Variants in CACNA1E observed in about 807,000 individuals in gnomAD.
CACNA1E encodes voltage-dependent R-type calcium channel subunit alpha-1E.
A neutral mutation model predicts 259.2 loss-of-function variants in CACNA1E; 40 were observed. The observed-to-expected ratio is 0.15, with a 90% CI of 0.12 to 0.20. The LOEUF is 0.20. Among genes scored for constraint, CACNA1E ranks in the 10% least tolerant of loss-of-function variants. CACNA1E has a pLI of 1.00. For synonymous variants in CACNA1E, 1,104 were observed against 1,138.5 expected, an observed-to-expected ratio of 0.97 and a Z score of 0.61; for missense variants, 1,874 against 3,040.1, an observed-to-expected ratio of 0.62 and a Z score of 9.02.
Position 181,511,309 on chromosome 1 carries a change from T to A in CACNA1E, c.373-62T>A, listed in dbSNP as rs563867917. 6 of 1,589,054 alleles carry A rather than the reference T, an allele frequency of 3.8e-6. No individual in the cohort carries two copies. In the East Asian group the frequency reaches 1.3e-4, roughly 36 times the overall value. The stretch of plus-strand genomic sequence containing the variant: ...TCCAGGAAGGGCCAGGCTGTGCTTT[T>A]GCCTGTGTCTCATAAAGCACAGTCC... On this transcript the variant is annotated intron_variant, in intron 2 of 47. Coordinates refer to ENST00000367573, the MANE Select transcript of CACNA1E (RefSeq NM_001205293.3).
At chr1:181,328,224 G>A (rs1022888145) in intron 1 of CACNA1E, among the ~76,000 whole-genome samples, 2 of 152,128 alleles carry the variant, frequency 1.3e-5, no homozygotes, top group African/African-American at 2.4e-5. Flanking sequence ...CATAGGTGGT[G>A]CCTTCTCGCT....
At chr1:181,630,152 T>C (rs1204225917) in intron 6 of CACNA1E, among the ~76,000 whole-genome samples, 2 of 152,214 alleles carry the variant, frequency 1.3e-5, no homozygotes, top group African/African-American at 4.8e-5. Context: ...ACTTTTTCTA[T>C]ATACATCTTT....
chr1:181,582,374 G>A (rs1305965140), intron 6 of CACNA1E, among the ~76,000 whole-genome samples: 1 of 152,220 alleles, frequency 6.6e-6, no homozygotes, highest in Non-Finnish European at 1.5e-5. Flanking sequence ...AGGTTGTCTT[G>A]AGGCCATGCC....
At chr1:181,375,710 G>A (rs890387845) in intron 1 of CACNA1E, among the ~76,000 whole-genome samples, 3 of 152,136 alleles carry the variant, frequency 2.0e-5, no homozygotes, top group African/African-American at 7.2e-5. Flanking sequence ...TAGCTGGTAA[G>A]CAATGGCAAG....
chr1:181,497,541 T>C (rs191415550), intron 1 of CACNA1E, among the ~76,000 whole-genome samples: 125 of 152,332 alleles, frequency 8.2e-4, no homozygotes, highest in Middle Eastern at 3.4e-3. Flanking sequence ...TGAATGCCTA[T>C]TGTATGACAG....
chr1:181,607,759 A>G (rs950806460), intron 6 of CACNA1E, among the ~76,000 whole-genome samples: 18 of 152,320 alleles, frequency 1.2e-4, no homozygotes, highest in Admixed American at 1.0e-3. Flanking sequence ...GAGATGAGCA[A>G]TTGCTCTTAA....
At chr1:181,745,876 C>G (rs1027952927) in intron 25 of CACNA1E, among the ~76,000 whole-genome samples, 11 of 152,240 alleles carry the variant, frequency 7.2e-5, no homozygotes, top group African/African-American at 2.4e-4. Flanking sequence ...ATGCTCTGCT[C>G]TCTCCTGCTG....
intron 6 of CACNA1E, among the ~76,000 whole-genome samples, chr1:181,589,606 C>A (rs755369065): frequency 6.6e-6 from 1 of 152,116 alleles, no homozygotes; most frequent in Non-Finnish European, 1.5e-5. Context: ...GTAGTCCCAG[C>A]TACCTGGAAG....
chr1:181,642,646 T>C (rs969880434), intron 6 of CACNA1E, among the ~76,000 whole-genome samples: 5 of 151,978 alleles, frequency 3.3e-5, no homozygotes, highest in Non-Finnish European at 5.9e-5. Context: ...GGCAAAGGGG[T>C]GATGCACTTT....
intron 3 of CACNA1E, among the ~76,000 whole-genome samples, chr1:181,576,059 G>A (rs1021297868): frequency 1.3e-5 from 2 of 152,166 alleles, no homozygotes; most frequent in African/African-American, 4.8e-5. Context: ...CAAAAGGAGT[G>A]TGGAAGACTC....
chr1:181,400,730 T>C (rs995212950), intron 1 of CACNA1E, among the ~76,000 whole-genome samples: 4 of 152,158 alleles, frequency 2.6e-5, no homozygotes, highest in Admixed American at 1.3e-4. Flanking sequence ...TCACGGGCTC[T>C]CTCTCTCTGC....
At chr1:181,452,363 C>T (rs867051452) in intron 2 of CACNA1E, among the ~76,000 whole-genome samples, 57 of 152,254 alleles carry the variant, frequency 3.7e-4, no homozygotes, top group African/African-American at 1.2e-3. Context: ...GGCCCAGAGA[C>T]GTTAGAAGTT....
At chr1:181,650,406 T>C (rs772747131) in intron 6 of CACNA1E, among the ~76,000 whole-genome samples, 5 of 151,624 alleles carry the variant, frequency 3.3e-5, no homozygotes, top group Non-Finnish European at 7.4e-5. Flanking sequence ...GAGAGTGGAG[T>C]GGGGGTCGAA....
chr1:181,688,839 G>A (rs1316396213), intron 7 of CACNA1E, among the ~76,000 whole-genome samples: 1 of 152,024 alleles, frequency 6.6e-6, no homozygotes, highest in East Asian at 1.9e-4. Flanking sequence ...AGGTGCTGCT[G>A]GTCTACTCCT....
intron 5 of CACNA1E, 63 bp downstream of exon 5, chr1:181,579,287 C>T: frequency 7.2e-7 from 1 of 1,387,438 alleles, no homozygotes; most frequent in Non-Finnish European, 9.9e-7. Flanking sequence ...GGGGTAATTT[C>T]AGGGCACTTG....
At position 181,579,244 on chromosome 1, in the gene CACNA1E, T is replaced by G; in HGVS notation, c.769+20T>G. ...ATTCAGGTAGGGTCGTTCTTTTCTG[T>G]CTTCTCCTTTTCCCTTCTCCCCTCT... On this transcript the variant is annotated intron_variant, in intron 5 of 47. Transcript: ENST00000367573. 11 of 1,597,194 alleles carry G rather than the reference T, an allele frequency of 6.9e-6. No individual in the cohort carries two copies. Among genetic ancestry groups the G allele is most frequent in the Non-Finnish European group, 9.4e-6 (11 of 1,172,540 alleles).
intron 3 of CACNA1E, among the ~76,000 whole-genome samples, chr1:181,518,774 T>C (rs1666778620): frequency 6.6e-6 from 1 of 152,156 alleles, no homozygotes; most frequent in Non-Finnish European, 1.5e-5. Context: ...ATGTAAGACA[T>C]TGGTGTTGGG....
rs189499047 is a variant in CACNA1E at position 181,778,039 on chromosome 1, C to T, written c.5267+1811C>T. ...TCCAGTTGCTGGGAAGAAATGATTC[C>T]ATGAGGATGAATCATGAGACTCAGA... On this transcript the variant is annotated intron_variant, in intron 38 of 47. Coordinates refer to ENST00000367573, the MANE Select transcript of CACNA1E (RefSeq NM_001205293.3). Among the ~76,000 whole-genome samples, 482 of 152,266 alleles carry T rather than the reference C, an allele frequency of 3.2e-3. 4 individuals are homozygous for T. The highest frequency in any genetic ancestry group is 0.011 in the African/African-American group (474 of 41,540).
At chr1:181,435,161 G>A (rs1213197514) in intron 2 of CACNA1E, among the ~76,000 whole-genome samples, 1 of 152,166 alleles carries the variant, frequency 6.6e-6, no homozygotes, top group African/African-American at 2.4e-5. Context: ...TATAGCAGAT[G>A]CTACTCTTCC....
Sources: gnomAD v4.1 joint callset for allele counts (sites outside exome capture counted in the v4.1 genomes callset) on GRCh38, gnomAD v4.1.1 for gene constraint, MANE v1.5 for transcripts, NCBI Gene and HGNC (gene_info 2026-07-23, HGNC 2026-07-21) for gene names.